The following CSMD1 variants were observed in gnomAD, a reference collection of about 807,000 sequenced individuals.
CSMD1 encodes CUB and Sushi multiple domains 1, also known as CUB and sushi domain-containing protein 1.
Under a neutral mutation model 417.5 loss-of-function variants are expected in CSMD1, and 213 were observed. The observed-to-expected ratio is 0.51, with a 90% confidence interval of 0.46 to 0.57. CSMD1 has a LOEUF of 0.57. Ranked by LOEUF, CSMD1 falls within the 20% of genes least tolerant of loss-of-function variation. The pLI is 0.00. For missense variants in CSMD1, 6,923 were observed against 4,529.7 expected (o/e 1.53, Z -15.17); for synonymous variants, 2,862 against 1,736.8 (o/e 1.65, Z -16.11).
intron 1 of CSMD1, among the ~76,000 whole-genome samples, chr8:4,720,555 T>C (rs1808986452): frequency 6.6e-6 from 1 of 152,074 alleles, no homozygotes; most frequent in South Asian, 2.1e-4. Flanking sequence ...ATAGCTGAGA[T>C]TAAAGGCACA....
intron 5 of CSMD1, among the ~76,000 whole-genome samples, chr8:3,862,603 A>G (rs977415086): frequency 1.3e-5 from 2 of 152,210 alleles, no homozygotes; most frequent in African/African-American, 2.4e-5. Context: ...TTGCTTATAC[A>G]TGGCCATACT....
intron 5 of CSMD1, among the ~76,000 whole-genome samples, chr8:3,783,782 T>C (rs1423025862): frequency 6.6e-6 from 1 of 152,196 alleles, no homozygotes; most frequent in Non-Finnish European, 1.5e-5. Flanking sequence ...GAAAGTCGCA[T>C]AGGAGACACT....
At chr8:4,172,879 C>A (rs559427235) in intron 3 of CSMD1, among the ~76,000 whole-genome samples, 34 of 152,188 alleles carry the variant, frequency 2.2e-4, no homozygotes, top group African/African-American at 7.7e-4. Context: ...TAAAAGGGAG[C>A]CCAGCCCATT....
chr8:4,222,349 AG>A (rs1801081231), intron 3 of CSMD1, among the ~76,000 whole-genome samples: 1 of 146,650 alleles, frequency 6.8e-6, no homozygotes, highest in African/African-American at 2.5e-5. Context: ...GTTTTGCCTC[AG>A]TCTTATTCTG....
intron 55 of CSMD1, among the ~76,000 whole-genome samples, chr8:2,976,130 C>T (rs1416808613): frequency 1.3e-5 from 2 of 151,728 alleles, no homozygotes; most frequent in Non-Finnish European, 2.9e-5. Context: ...TTACCACTGT[C>T]GTTCTCCACA....
chr8:4,495,544 T>C (rs530350855), intron 2 of CSMD1, among the ~76,000 whole-genome samples: 13 of 151,922 alleles, frequency 8.6e-5, no homozygotes, highest in East Asian at 7.8e-4. Context: ...CACTGCACTC[T>C]AGCCTGGGTG....
intron 5 of CSMD1, among the ~76,000 whole-genome samples, chr8:3,854,204 T>C (rs1176873865): frequency 6.7e-6 from 1 of 149,200 alleles, no homozygotes; most frequent in Non-Finnish European, 1.5e-5. Flanking sequence ...TTCTCATGCT[T>C]TGGGAACACT....
At position 4,790,539 on chromosome 8, in the gene CSMD1, G is replaced by C. The variant is rs578239574; in HGVS notation, c.86-152981C>G. The stretch of plus-strand genomic sequence containing the variant: ...GAAAAGCTAAGGCAATCCTAAGCAA[G>C]AATAACAAAGCTGGAAGCATCACAC... On this transcript the variant is annotated intron_variant, in intron 1 of 69. Transcript: ENST00000635120. Among the ~76,000 whole-genome samples the C allele has an allele frequency of 3.9e-5, 6 of 152,118 alleles. No homozygotes were observed. The South Asian group carries it at 1.2e-3, about 32-fold the overall frequency.
At chr8:4,987,712 A>G (rs1811254178) in intron 1 of CSMD1, among the ~76,000 whole-genome samples, 1 of 152,180 alleles carries the variant, frequency 6.6e-6, no homozygotes, top group Non-Finnish European at 1.5e-5. Context: ...TTAACATTTG[A>G]GTCAACGGAC....
At chr8:4,480,859 C>T (rs1486421054) in intron 2 of CSMD1, among the ~76,000 whole-genome samples, 1 of 152,152 alleles carries the variant, frequency 6.6e-6, no homozygotes, top group Non-Finnish European at 1.5e-5. Flanking sequence ...GTCATTAATC[C>T]CTGGGTCCCT....
intron 1 of CSMD1, among the ~76,000 whole-genome samples, chr8:4,841,924 A>C (rs796651910): frequency 2.1e-5 from 3 of 143,418 alleles, no homozygotes; most frequent in African/African-American, 7.9e-5. Flanking sequence ...AAAAAAAAAA[A>C]AAAAAAAAAA....
intron 1 of CSMD1, among the ~76,000 whole-genome samples, chr8:4,810,010 C>T (rs963724348): frequency 1.3e-5 from 2 of 152,142 alleles, no homozygotes; most frequent in African/African-American, 4.8e-5. Flanking sequence ...TGAATATATG[C>T]CAAGTGCTTA....
intron 5 of CSMD1, among the ~76,000 whole-genome samples, chr8:3,938,389 G>A (rs149558065): frequency 6.6e-6 from 1 of 152,258 alleles, no homozygotes; most frequent in African/African-American, 2.4e-5. Context: ...AATGCAATCG[G>A]TGGTAGGCTA....
chr8:4,798,071 C>G (rs2168665), intron 1 of CSMD1, among the ~76,000 whole-genome samples: 29,301 of 152,108 alleles, frequency 0.19, 2,994 homozygotes, highest in East Asian at 0.27. Flanking sequence ...GTGCAGGTTT[C>G]TTAAGTATGT....
chr8:4,075,109 T>C (rs1799754554), intron 3 of CSMD1, among the ~76,000 whole-genome samples: 1 of 152,118 alleles, frequency 6.6e-6, no homozygotes, highest in Admixed American at 6.6e-5. Context: ...AGAACAAAGT[T>C]GAATACAGTA....
At chr8:4,169,408 C>A (rs137894909) in intron 3 of CSMD1, among the ~76,000 whole-genome samples, 1 of 152,238 alleles carries the variant, frequency 6.6e-6, no homozygotes, top group East Asian at 1.9e-4. Flanking sequence ...TGTAAATACT[C>A]GTCTTTTTCT....
Position 4,855,347 on chromosome 8 carries a change from A to C in CSMD1, c.85+138985T>G, listed in dbSNP as rs375773619. ...AACAGAAAAACTGGAAACTCCAAAA[A>C]GCAGAGCGCCTCTCCTCCTCCAAAG... On this transcript the variant is annotated intron_variant, in intron 1 of 69. Coordinates refer to ENST00000635120, the MANE Select transcript of CSMD1 (RefSeq NM_033225.6). Among the ~76,000 whole-genome samples the C allele has an allele frequency of 1.4e-4, 22 of 152,322 alleles. No homozygotes were observed. In the East Asian group the frequency reaches 3.9e-3, roughly 27 times the overall value.
chr8:3,795,121 T>C (rs1449775865), intron 5 of CSMD1, among the ~76,000 whole-genome samples: 2 of 96,580 alleles, frequency 2.1e-5, no homozygotes, highest in Non-Finnish European at 4.4e-5. Flanking sequence ...TATAGATATC[T>C]ATCATGTACA....
intron 1 of CSMD1, among the ~76,000 whole-genome samples, chr8:4,718,126 A>T (rs2116895341): frequency 6.6e-6 from 1 of 152,184 alleles, no homozygotes; most frequent in African/African-American, 2.4e-5. Context: ...GGCACATGCC[A>T]CCATGCCCAG....
Sources: allele counts gnomAD v4.1 joint callset (sites outside exome capture counted in the v4.1 genomes callset), GRCh38; gene constraint gnomAD v4.1.1; transcripts MANE v1.5; gene names NCBI Gene and HGNC (gene_info 2026-07-23, HGNC 2026-07-21).